The following PDE10A variants were observed in gnomAD, a reference collection of about 807,000 sequenced individuals.
PDE10A encodes phosphodiesterase 10A.
PDE10A carries 39 observed loss-of-function variants against 97.7 expected under a neutral mutation model. The ratio of observed to expected loss-of-function variants is 0.40; its 90% confidence interval spans 0.31 to 0.52. The LOEUF is 0.52. PDE10A is among the 20% of genes least tolerant of loss of function. The pLI, the probability that PDE10A is intolerant of heterozygous loss-of-function variation, is 0.56. For missense variants in PDE10A, 731 were observed against 1,047.8 expected, an observed-to-expected ratio of 0.70 and a Z score of 4.17; for synonymous variants, 371 against 376.8, an observed-to-expected ratio of 0.98 and a Z score of 0.18.
At chr6:165,607,774 C>T (rs1787281251) in intron 1 of PDE10A, among the ~76,000 whole-genome samples, 3 of 152,212 alleles carry the variant, frequency 2.0e-5, no homozygotes, top group Middle Eastern at 3.4e-3. Flanking sequence ...AAATGCAGCA[C>T]GTGTTTAACA....
intron 1 of PDE10A, among the ~76,000 whole-genome samples, chr6:165,964,814 G>T (rs1172053634): frequency 6.6e-6 from 1 of 152,200 alleles, no homozygotes; most frequent in Non-Finnish European, 1.5e-5. Context: ...GATGAGAAAG[G>T]TGCATAGGGG....
At chr6:165,968,459 A>T (rs183725734) in intron 1 of PDE10A, among the ~76,000 whole-genome samples, 6 of 152,194 alleles carry the variant, frequency 3.9e-5, no homozygotes, top group African/African-American at 1.2e-4. Flanking sequence ...TTACCTACAT[A>T]GATTTCTAGA....
chr6:165,843,841 G>A (rs1301839656), intron 1 of PDE10A, among the ~76,000 whole-genome samples: 1 of 152,250 alleles, frequency 6.6e-6, no homozygotes, highest in East Asian at 1.9e-4. Flanking sequence ...TTTATCTGAG[G>A]AGCAAAGGCT....
intron 1 of PDE10A, among the ~76,000 whole-genome samples, chr6:165,736,278 C>G (rs1409709766): frequency 6.6e-6 from 1 of 152,162 alleles, no homozygotes; most frequent in Non-Finnish European, 1.5e-5. Context: ...TAGATACATC[C>G]ATTTGAACAA....
chr6:165,515,202 G>A (rs567690276), intron 2 of PDE10A, among the ~76,000 whole-genome samples: 28 of 152,204 alleles, frequency 1.8e-4, no homozygotes, highest in African/African-American at 6.7e-4. Flanking sequence ...TTTGTACTTT[G>A]CATTCTAATG....
rs376852563 is a variant in PDE10A, at chr6:165,566,509, C to T, written c.866-22941G>A. On this transcript the variant is annotated intron_variant, in intron 1 of 21. Coordinates refer to ENST00000539869, the MANE Select transcript of PDE10A (RefSeq NM_001385079.1). ...TACTCTGGAAGACAGTTCGGCAGCT[C>T]TGGCAAAGGTAACAGTGTGGGTCAA... 7.2e-5 allele frequency among the ~76,000 whole-genome samples: 11 copies of T among 152,308 alleles called. No homozygotes were observed. The East Asian group carries it at 1.5e-3, about 21-fold the overall frequency.
intron 1 of PDE10A, among the ~76,000 whole-genome samples, chr6:165,876,526 TA>T (rs1456693009): frequency 6.6e-6 from 1 of 152,186 alleles, no homozygotes. Context: ...TATTCCCATG[TA>T]AAAACTGAAA....
At chr6:165,914,523 C>G (rs1562795995) in intron 1 of PDE10A, among the ~76,000 whole-genome samples, 1 of 152,152 alleles carries the variant, frequency 6.6e-6, no homozygotes, top group African/African-American at 2.4e-5. Flanking sequence ...GAGACACAAC[C>G]ACTTGGGGGA....
At chr6:165,666,463 T>C (rs575724792), upstream of PDE10A, among the ~76,000 whole-genome samples, 47 of 152,190 alleles carry the variant, frequency 3.1e-4, no homozygotes, top group Non-Finnish European at 5.7e-4. Flanking sequence ...CCAAGCTCAA[T>C]AAAATTATGT....
chr6:165,607,669 G>C (rs920690651), intron 1 of PDE10A, among the ~76,000 whole-genome samples: 51 of 152,200 alleles, frequency 3.4e-4, no homozygotes, highest in Admixed American at 1.3e-4. Flanking sequence ...GACTGACGCT[G>C]GGCAGCTGCA....
intron 18 of PDE10A, among the ~76,000 whole-genome samples, chr6:165,351,781 C>G (rs1019286928): frequency 6.6e-6 from 1 of 152,134 alleles, no homozygotes; most frequent in Admixed American, 6.5e-5. Flanking sequence ...TGAGATTGAT[C>G]GAGGCAAACT....
chr6:165,424,937 T>A (rs1789006222), intron 10 of PDE10A, among the ~76,000 whole-genome samples: 1 of 152,156 alleles, frequency 6.6e-6, no homozygotes, highest in Non-Finnish European at 1.5e-5. Context: ...ATATCTGTTG[T>A]GGACCCACAA....
intron 2 of PDE10A, 34 bp from the exon 3 acceptor site, chr6:165,482,377 T>A: frequency 6.4e-7 from 1 of 1,552,492 alleles, no homozygotes; most frequent in South Asian, 1.1e-5. Flanking sequence ...AAAAACACAA[T>A]TAGCGACTGA....
intron 1 of PDE10A, among the ~76,000 whole-genome samples, chr6:165,682,796 A>G (rs1791012051): frequency 6.6e-6 from 1 of 152,232 alleles, no homozygotes; most frequent in South Asian, 2.1e-4. Context: ...TACCATCAAC[A>G]GGGAACGTGA....
At chr6:165,608,249 T>G in intron 1 of PDE10A, among the ~76,000 whole-genome samples, 1 of 138,718 alleles carries the variant, frequency 7.2e-6, no homozygotes, top group Admixed American at 7.4e-5. Flanking sequence ...CTCCTAATGC[T>G]ATCCCTCCCC....
chr6:165,762,033 C>G (rs1793263153), intron 1 of PDE10A, among the ~76,000 whole-genome samples: 1 of 152,196 alleles, frequency 6.6e-6, no homozygotes, highest in Non-Finnish European at 1.5e-5. Flanking sequence ...TATATGAGTT[C>G]CTTTCTCAGA....
At chr6:165,794,272 TCA>T (rs1467317275) in intron 1 of PDE10A, among the ~76,000 whole-genome samples, 2 of 143,126 alleles carry the variant, frequency 1.4e-5, no homozygotes, top group African/African-American at 5.3e-5. Flanking sequence ...TACACACTCA[TCA>T]CACACTTATG....
intron 3 of PDE10A, among the ~76,000 whole-genome samples, chr6:165,465,778 T>C (rs989464994): frequency 2.0e-5 from 3 of 152,188 alleles, no homozygotes; most frequent in Non-Finnish European, 4.4e-5. Flanking sequence ...GATTCAATTA[T>C]CTCCATCTGG....
chr6:165,403,416 C>T (rs1275716919), intron 13 of PDE10A, among the ~76,000 whole-genome samples: 1 of 152,108 alleles, frequency 6.6e-6, no homozygotes, highest in Non-Finnish European at 1.5e-5. Flanking sequence ...GCCAGAGAAA[C>T]AGGGAAACAC....
Sources: gnomAD v4.1 joint callset for allele counts (sites outside exome capture counted in the v4.1 genomes callset) on GRCh38, gnomAD v4.1.1 for gene constraint, MANE v1.5 for transcripts, NCBI Gene and HGNC (gene_info 2026-07-23, HGNC 2026-07-21) for gene names.